The following CNTNAP2 variants were observed in gnomAD, a reference collection of about 807,000 sequenced individuals.
The protein encoded by CNTNAP2 is contactin associated protein 2, also known as contactin-associated protein-like 2.
In CNTNAP2, 98 loss-of-function variants were observed where a neutral mutation model predicts 155.2. The ratio of observed to expected loss-of-function variants is 0.63; its 90% CI spans 0.54 to 0.75. The LOEUF is 0.75. CNTNAP2 is among the 30% of genes least tolerant of loss of function. CNTNAP2 has a pLI of 0.00. For missense variants in CNTNAP2, 1,727 were observed against 1,688.1 expected (o/e 1.02, Z -0.40); for synonymous variants, 651 against 631.2 (o/e 1.03, Z -0.47).
chr7:147,429,799 C>T (rs1797436967), intron 10 of CNTNAP2, among the ~76,000 whole-genome samples: 1 of 152,086 alleles, frequency 6.6e-6, no homozygotes, highest in African/African-American at 2.4e-5. Flanking sequence ...TTTTCCAGCA[C>T]CATTTGTTTA....
At chr7:147,075,847 G>A (rs1799988387) in intron 4 of CNTNAP2, among the ~76,000 whole-genome samples, 1 of 151,838 alleles carries the variant, frequency 6.6e-6, no homozygotes, top group Admixed American at 6.6e-5. Context: ...TATTCTCATT[G>A]TTCAATTCCC....
chr7:147,604,183 A>G (rs1453293831), intron 12 of CNTNAP2, among the ~76,000 whole-genome samples: 2 of 151,842 alleles, frequency 1.3e-5, no homozygotes, highest in Non-Finnish European at 2.9e-5. Flanking sequence ...CATGTCTAAA[A>G]CACCAAAAGC....
chr7:147,998,289 T>A (rs1801842863), intron 15 of CNTNAP2, among the ~76,000 whole-genome samples: 1 of 151,918 alleles, frequency 6.6e-6, no homozygotes, highest in African/African-American at 2.4e-5. Context: ...TTTTTTGTAT[T>A]TTTAGTAGAG....
chr7:148,138,046 A>T (rs1425041263), intron 16 of CNTNAP2, among the ~76,000 whole-genome samples: 1 of 152,226 alleles, frequency 6.6e-6, no homozygotes, highest in African/African-American at 2.4e-5. Context: ...AGAGAGAAAA[A>T]TACTACCTGT....
intron 1 of CNTNAP2, among the ~76,000 whole-genome samples, chr7:146,128,485 A>G (rs1273554223): frequency 6.6e-6 from 1 of 152,168 alleles, no homozygotes; most frequent in African/African-American, 2.4e-5. Context: ...TTTACCCAAT[A>G]TTCTACTGCC....
At chr7:146,290,384 T>A (rs1318673946) in intron 1 of CNTNAP2, among the ~76,000 whole-genome samples, 1 of 152,190 alleles carries the variant, frequency 6.6e-6, no homozygotes, top group African/African-American at 2.4e-5. Context: ...TACTTAAACA[T>A]GAAGACAGAA....
intron 13 of CNTNAP2, among the ~76,000 whole-genome samples, chr7:147,900,197 C>T (rs1353801795): frequency 6.6e-6 from 1 of 152,162 alleles, no homozygotes; most frequent in Non-Finnish European, 1.5e-5. Flanking sequence ...CTGCTATGGT[C>T]ATCTCCATCT....
chr7:147,309,141 G>A (rs1795080196), intron 9 of CNTNAP2, among the ~76,000 whole-genome samples: 1 of 152,156 alleles, frequency 6.6e-6, no homozygotes, highest in Non-Finnish European at 1.5e-5. Context: ...GGGGTAGAAA[G>A]TAAACTATTT....
intron 9 of CNTNAP2, 111 bp downstream of exon 9, chr7:147,300,401 A>C: frequency 1.3e-4 from 132 of 1,012,002 alleles, no homozygotes; most frequent in Middle Eastern, 2.5e-4. Flanking sequence ...AGTAGATCTC[A>C]TGACAAAACA....
intron 1 of CNTNAP2, among the ~76,000 whole-genome samples, chr7:146,305,068 C>A (rs920485992): frequency 5.9e-5 from 9 of 152,138 alleles, no homozygotes; most frequent in Non-Finnish European, 1.3e-4. Flanking sequence ...AAATAGGCTA[C>A]TGAAGCTTGT....
chr7:146,450,516 C>A (rs982082920), intron 1 of CNTNAP2, among the ~76,000 whole-genome samples: 1 of 152,164 alleles, frequency 6.6e-6, no homozygotes. Context: ...TTCTCTACTG[C>A]GTTAGTTTTG....
chr7:146,755,201 A>G (rs576546133), intron 1 of CNTNAP2, among the ~76,000 whole-genome samples: 8 of 152,116 alleles, frequency 5.3e-5, no homozygotes, highest in Admixed American at 3.9e-4. Flanking sequence ...TCAAAAATAT[A>G]TATCTAGCAT....
chr7:146,214,704 G>C (rs897013506), intron 1 of CNTNAP2, among the ~76,000 whole-genome samples: 4 of 152,134 alleles, frequency 2.6e-5, no homozygotes, highest in African/African-American at 9.6e-5. Flanking sequence ...TTTCAAAAAG[G>C]CTTTAATTTC....
rs370336721 is a variant in CNTNAP2 at position 148,125,012 on chromosome 7, T to G, written c.2554+6724T>G. On this transcript the variant is annotated intron_variant, in intron 16 of 23. Coordinates refer to ENST00000361727, the MANE Select transcript of CNTNAP2 (RefSeq NM_014141.6). The stretch of plus-strand genomic sequence containing the variant: ...TGGGCGTTTGGGAAACTACAAGCAT[T>G]TTGTATTGTTAGAGTGTGAAGTATG... 6.8e-4 allele frequency among the ~76,000 whole-genome samples: 104 copies of G among 152,020 alleles called. 2 individuals are homozygous for G. The highest frequency in any genetic ancestry group is 1.3e-4 in the Non-Finnish European group (9 of 67,966).
At position 147,764,429 on chromosome 7, in the gene CNTNAP2, TC is replaced by T. The variant is rs1390340767; in HGVS notation, c.2098+125125del. ...AATTTCACTCTTGAGGCATTTTCAA[TC>T]CTCCCTGATTTTATCTTCTCTGTTA... On this transcript the variant is annotated intron_variant, in intron 13 of 23. Coordinates refer to ENST00000361727, the MANE Select transcript of CNTNAP2 (RefSeq NM_014141.6). Among the ~76,000 whole-genome samples the T allele has an allele frequency of 2.0e-5, 3 of 152,210 alleles. No homozygotes were observed. In the East Asian group the frequency reaches 5.8e-4, roughly 29 times the overall value.
At chr7:147,579,640 A>G (rs186701586) in intron 12 of CNTNAP2, among the ~76,000 whole-genome samples, 1 of 152,140 alleles carries the variant, frequency 6.6e-6, no homozygotes, top group Non-Finnish European at 1.5e-5. Flanking sequence ...CAAGCCCCAG[A>G]CCACCTATTT....
At chr7:146,914,845 G>GT (rs373934831) in intron 3 of CNTNAP2, among the ~76,000 whole-genome samples, 71 of 150,534 alleles carry the variant, frequency 4.7e-4, no homozygotes, top group Middle Eastern at 3.4e-3. Flanking sequence ...TTGTTTTTTT[G>GT]TTTTTTTTGC....
chr7:146,933,534 A>G (rs1796832205), intron 3 of CNTNAP2, among the ~76,000 whole-genome samples: 1 of 150,874 alleles, frequency 6.6e-6, no homozygotes, highest in Non-Finnish European at 1.5e-5. Context: ...ATGGGCAAGG[A>G]CTTCATGTCT....
At chr7:147,734,889 TATTTG>T (rs1269896747) in intron 13 of CNTNAP2, among the ~76,000 whole-genome samples, 1 of 152,202 alleles carries the variant, frequency 6.6e-6, no homozygotes, top group Non-Finnish European at 1.5e-5. Context: ...TTATTGTGTC[TATTTG>T]ATTCTTCTCT....
Sources: allele counts gnomAD v4.1 joint callset (sites outside exome capture counted in the v4.1 genomes callset), GRCh38; gene constraint gnomAD v4.1.1; transcripts MANE v1.5; gene names NCBI Gene and HGNC (gene_info 2026-07-23, HGNC 2026-07-21).